The following TBCK variants were observed in gnomAD, a reference collection of about 807,000 sequenced individuals.
The protein encoded by TBCK is TBC domain-containing protein kinase-like protein.
A neutral mutation model predicts 113.4 loss-of-function variants in TBCK; 99 were observed. The observed-to-expected ratio is 0.87, with a 90% CI of 0.74 to 1.03. The LOEUF (loss-of-function observed/expected upper bound fraction) is 1.03. Ranked by LOEUF, TBCK falls within the 50% of genes least tolerant of loss-of-function variation. The pLI, the probability that TBCK is intolerant of heterozygous loss-of-function variation, is 0.00. For missense variants in TBCK, 1,045 were observed against 1,061.3 expected (o/e 0.98, Z 0.21); for synonymous variants, 369 against 370.8 (o/e 1.00, Z 0.05).
intron 22 of TBCK, chr4:106,182,728 T>A (rs1212185718): frequency 6.6e-6 from 1 of 152,054 alleles, no homozygotes; most frequent in African/African-American, 2.4e-5. Flanking sequence ...AGACTGAAAA[T>A]TATAAAGTTC....
At chr4:106,249,660 G>A (rs959496240) in intron 7 of TBCK, among the ~76,000 whole-genome samples, 2 of 152,144 alleles carry the variant, frequency 1.3e-5, no homozygotes, top group Admixed American at 6.6e-5. Flanking sequence ...AAAGTAAAAA[G>A]TTTAGGTTAC....
At chr4:106,142,254 C>A (rs999095840) in intron 23 of TBCK, among the ~76,000 whole-genome samples, 6 of 152,078 alleles carry the variant, frequency 3.9e-5, no homozygotes, top group Admixed American at 3.9e-4. Flanking sequence ...TTCAGTTTAG[C>A]AGGGTTTTTA....
intron 23 of TBCK, among the ~76,000 whole-genome samples, chr4:106,165,726 T>A (rs1394310959): frequency 6.6e-6 from 1 of 151,748 alleles, no homozygotes; most frequent in Admixed American, 6.6e-5. Flanking sequence ...TTTACGTATA[T>A]CATTATTAAA....
chr4:106,059,969 C>T (rs1735855873), intron 25 of TBCK, among the ~76,000 whole-genome samples: 1 of 151,784 alleles, frequency 6.6e-6, no homozygotes, highest in South Asian at 2.1e-4. Context: ...CTAGCCACAC[C>T]ATTCTCTTAA....
At chr4:106,239,523 T>C (rs1034324435) in intron 12 of TBCK, among the ~76,000 whole-genome samples, 3 of 151,898 alleles carry the variant, frequency 2.0e-5, no homozygotes, top group Non-Finnish European at 2.9e-5. Context: ...AGGTGTGGCG[T>C]TGCTATTTTA....
chr4:106,193,937 T>G (rs1215052792), intron 21 of TBCK, among the ~76,000 whole-genome samples, 167 bp from the exon 22 acceptor site: 1 of 152,148 alleles, frequency 6.6e-6, no homozygotes, highest in African/African-American at 2.4e-5. Flanking sequence ...CTTTGAAAAT[T>G]TATAGCTTCC....
chr4:106,073,029 C>T (rs574457064), intron 25 of TBCK, among the ~76,000 whole-genome samples: 30 of 152,252 alleles, frequency 2.0e-4, no homozygotes, highest in Non-Finnish European at 2.1e-4. Context: ...AGCTTCCTTG[C>T]GATGGGTTCG....
intron 2 of TBCK, among the ~76,000 whole-genome samples, chr4:106,302,583 G>C (rs1767063368): frequency 6.6e-6 from 1 of 152,124 alleles, no homozygotes; most frequent in African/African-American, 2.4e-5. Flanking sequence ...CTCCAAAGAG[G>C]CTTCCAGATA....
At chr4:106,216,763 T>G (rs1490352090) in intron 19 of TBCK, among the ~76,000 whole-genome samples, 2 of 151,836 alleles carry the variant, frequency 1.3e-5, no homozygotes, top group East Asian at 3.9e-4. Context: ...ACCAGATGGA[T>G]TCACAGCCGA....
intron 23 of TBCK, among the ~76,000 whole-genome samples, chr4:106,124,859 G>C (rs1354810728): frequency 6.6e-6 from 1 of 151,640 alleles, no homozygotes; most frequent in Non-Finnish European, 1.5e-5. Flanking sequence ...TGTGGGCTGG[G>C]GGGAGGGGGA....
At chr4:106,074,763 A>G (rs542655879) in intron 25 of TBCK, among the ~76,000 whole-genome samples, 2 of 152,366 alleles carry the variant, frequency 1.3e-5, no homozygotes, top group East Asian at 3.9e-4. Flanking sequence ...ACCTGGGGCT[A>G]GCAAAAGCAG....
At chr4:106,292,591 T>G (rs1169975521) in intron 3 of TBCK, among the ~76,000 whole-genome samples, 4 of 149,316 alleles carry the variant, frequency 2.7e-5, no homozygotes, top group Non-Finnish European at 5.9e-5. Flanking sequence ...AAAAAGTACA[T>G]GCCCTTAACT....
intron 13 of TBCK, 28 bp from the exon 14 acceptor site, chr4:106,236,547 A>G: frequency 6.9e-7 from 1 of 1,446,062 alleles, no homozygotes; most frequent in Non-Finnish European, 9.1e-7. Flanking sequence ...AGCAATAAAA[A>G]AAAAAAATGG....
chr4:106,189,426 T>C (rs1162953484), intron 22 of TBCK, among the ~76,000 whole-genome samples: 1 of 151,786 alleles, frequency 6.6e-6, no homozygotes, highest in African/African-American at 2.4e-5. Context: ...GAATAATTAA[T>C]TCTCAGCTTC....
intron 22 of TBCK, among the ~76,000 whole-genome samples, chr4:106,177,189 T>C (rs566416094): frequency 6.6e-6 from 1 of 152,102 alleles, no homozygotes; most frequent in East Asian, 1.9e-4. Context: ...GTTTTTTAAA[T>C]AGGATTGTTT....
intron 23 of TBCK, among the ~76,000 whole-genome samples, chr4:106,160,469 G>C (rs1363914189): frequency 6.6e-6 from 1 of 151,654 alleles, no homozygotes; most frequent in Non-Finnish European, 1.5e-5. Context: ...CTCCAGAGAA[G>C]ATATACAAAT....
At chr4:106,213,790 G>A (rs1305831130) in intron 19 of TBCK, 1 of 156,520 alleles carries the variant, frequency 6.4e-6, no homozygotes, top group African/African-American at 2.4e-5. Context: ...GAGGCTGGGG[G>A]AGGGGCGCCC....
Position 106,090,960 on chromosome 4 carries a change from T to A in TBCK, c.2571+4522A>T, listed in dbSNP as rs1276467069. On this transcript the variant is annotated intron_variant, in intron 25 of 25. Transcript: ENST00000394708. ...TCTTCTTCTGAGCCTTCCAAACTCT[T>A]TCAACCTCTGCCTATTACCCAGTTC... 2.6e-5 allele frequency among the ~76,000 whole-genome samples: 4 copies of A among 152,222 alleles called. No homozygotes were observed. In the East Asian group the frequency reaches 7.7e-4, roughly 29 times the overall value.
chr4:106,065,643 G>A (rs942184712), intron 25 of TBCK, among the ~76,000 whole-genome samples: 1 of 151,876 alleles, frequency 6.6e-6, no homozygotes, highest in African/African-American at 2.4e-5. Context: ...AGAGATCTAG[G>A]ACTCCACTTC....
Sources: gnomAD v4.1 joint callset for allele counts (sites outside exome capture counted in the v4.1 genomes callset) on GRCh38, gnomAD v4.1.1 for gene constraint, MANE v1.5 for transcripts, NCBI Gene and HGNC (gene_info 2026-07-23, HGNC 2026-07-21) for gene names.